Variants in JAZF1 observed in about 807,000 individuals in gnomAD.
JAZF1 encodes JAZF zinc finger 1.
A neutral mutation model predicts 26.4 loss-of-function variants in JAZF1; 8 were observed. The ratio of observed to expected loss-of-function variants is 0.30; its 90% CI spans 0.18 to 0.55. The LOEUF (loss-of-function observed/expected upper bound fraction) is 0.55, where lower values mean the gene tolerates loss of function less well. Among genes scored for constraint, JAZF1 ranks in the 20% least tolerant of loss-of-function variants. The probability of loss-of-function intolerance (pLI) is 0.94; values close to 1 mark genes in which losing one functional copy is unlikely to be tolerated. For missense variants in JAZF1, 199 were observed against 322.0 expected (o/e 0.62, Z 2.92); for synonymous variants, 126 against 122.3 (o/e 1.03, Z -0.20).
intron 1 of JAZF1, among the ~76,000 whole-genome samples, chr7:28,035,986 T>C (rs1289812175): frequency 6.6e-6 from 1 of 152,228 alleles, no homozygotes; most frequent in Non-Finnish European, 1.5e-5. Flanking sequence ...GACCTTATCT[T>C]TTTTTCTAAC....
intron 1 of JAZF1, among the ~76,000 whole-genome samples, chr7:28,053,783 A>AG (rs1425816588): frequency 6.6e-6 from 1 of 152,146 alleles, no homozygotes; most frequent in Non-Finnish European, 1.5e-5. Context: ...AAAGAACTGG[A>AG]GGGGGCTAAG....
intron 2 of JAZF1, among the ~76,000 whole-genome samples, chr7:27,953,637 T>C (rs6958293): frequency 0.96 from 145,595 of 152,330 alleles, 69,671 homozygotes; most frequent in East Asian, 1. Flanking sequence ...CGAGGTGGCA[T>C]GCACACACCT....
intron 1 of JAZF1, among the ~76,000 whole-genome samples, chr7:28,041,401 T>C (rs2128377416): frequency 6.6e-6 from 1 of 151,120 alleles, no homozygotes; most frequent in Non-Finnish European, 1.5e-5. Flanking sequence ...GTATAAGCTA[T>C]TTTTTAAAAG....
At position 28,180,673 on chromosome 7, in the gene JAZF1, G is replaced by A. The variant is rs576551959; in HGVS notation, c.-96C>T. 524 of 706,036 alleles carry A rather than the reference G, an allele frequency of 7.4e-4. 1 individual carries two copies. The highest frequency in any genetic ancestry group is 1.1e-3 in the Non-Finnish European group (471 of 419,686). 43.7% of individuals were successfully genotyped at this position (706,036 alleles called of 1,614,324 possible). A position where few individuals can be genotyped will look rare whatever the true frequency, so the allele number is the denominator to read the frequency against. On this transcript the variant is annotated 5_prime_UTR_variant, in exon 1 of 5. Transcript: ENST00000283928. ...GGGTGGGGTGAGGAGAGGAGGGGCT[G>A]GGGGAGGGGGAGAGAGGCGGGGTGA...
chr7:28,142,789 A>C (rs188361292), intron 1 of JAZF1, among the ~76,000 whole-genome samples: 3 of 152,298 alleles, frequency 2.0e-5, no homozygotes, highest in Admixed American at 6.5e-5. Context: ...CATGAGATGC[A>C]GGGTATGGCC....
chr7:27,862,936 C>T (rs1411834768), intron 3 of JAZF1, among the ~76,000 whole-genome samples: 1 of 152,156 alleles, frequency 6.6e-6, no homozygotes, highest in Non-Finnish European at 1.5e-5. Flanking sequence ...GGGGTCAGCT[C>T]CTTTCCTTTA....
At chr7:28,092,861 GA>G (rs35589311) in intron 1 of JAZF1, among the ~76,000 whole-genome samples, 5 of 137,176 alleles carry the variant, frequency 3.6e-5, no homozygotes, top group Admixed American at 7.3e-5. Context: ...GCCCTGTTTC[GA>G]AAAAAAAAAG....
chr7:28,113,159 G>A (rs1288682771), intron 1 of JAZF1, among the ~76,000 whole-genome samples: 1 of 152,130 alleles, frequency 6.6e-6, no homozygotes, highest in South Asian at 2.1e-4. Context: ...CTGTTGAATC[G>A]GTATCCTACA....
intron 2 of JAZF1, among the ~76,000 whole-genome samples, chr7:27,941,310 G>A (rs1300669778): frequency 2.6e-5 from 4 of 152,202 alleles, no homozygotes; most frequent in African/African-American, 9.7e-5. Context: ...ATTTGGGGAT[G>A]TGATCTTTTT....
chr7:27,880,510 G>A (rs1027271883), intron 3 of JAZF1, among the ~76,000 whole-genome samples: 11 of 152,016 alleles, frequency 7.2e-5, no homozygotes, highest in Admixed American at 6.6e-5. Context: ...GCGGGTGCCT[G>A]TAATCCCAGC....
chr7:28,178,552 AT>A (rs1280178180), intron 1 of JAZF1, among the ~76,000 whole-genome samples: 1 of 152,146 alleles, frequency 6.6e-6, no homozygotes, highest in African/African-American at 2.4e-5. Flanking sequence ...AGCATTATCT[AT>A]ATTTATTTTT....
intron 1 of JAZF1, among the ~76,000 whole-genome samples, chr7:28,040,282 C>A (rs1783366962): frequency 1.3e-5 from 2 of 152,020 alleles, no homozygotes; most frequent in African/African-American, 4.8e-5. Context: ...TGTTGAGTGC[C>A]AACTATGTGC....
chr7:27,996,533 G>A (rs375934688), intron 1 of JAZF1, among the ~76,000 whole-genome samples: 3 of 152,170 alleles, frequency 2.0e-5, no homozygotes, highest in Admixed American at 1.3e-4. Flanking sequence ...GGCTGGATAC[G>A]ACACTTTTCT....
chr7:28,157,368 T>C (rs752169400), intron 1 of JAZF1, among the ~76,000 whole-genome samples: 22 of 152,260 alleles, frequency 1.4e-4, no homozygotes, highest in Admixed American at 7.8e-4. Flanking sequence ...CTATCAGCTC[T>C]ATCACAATTA....
intron 4 of JAZF1, among the ~76,000 whole-genome samples, chr7:27,833,440 C>T (rs115206878): frequency 3.6e-4 from 55 of 152,300 alleles, no homozygotes; most frequent in African/African-American, 1.3e-3. Flanking sequence ...ACTCAATTTA[C>T]AGCTTGCTTC....
chr7:27,859,707 C>T (rs149504064), intron 3 of JAZF1, among the ~76,000 whole-genome samples: 3,639 of 146,392 alleles, frequency 0.025, 69 homozygotes, highest in East Asian at 0.09. Context: ...CATCACACAC[C>T]GGGGCCTGTT....
At chr7:27,896,424 G>A (rs181834051) in intron 2 of JAZF1, among the ~76,000 whole-genome samples, 4 of 152,140 alleles carry the variant, frequency 2.6e-5, no homozygotes, top group Admixed American at 1.3e-4. Flanking sequence ...GTATGATAGC[G>A]TTCAGATGAT....
chr7:27,907,984 A>C (rs181244827), intron 2 of JAZF1, among the ~76,000 whole-genome samples: 1 of 152,174 alleles, frequency 6.6e-6, no homozygotes, highest in African/African-American at 2.4e-5. Context: ...ATTTTCTTCT[A>C]TATCTACTGA....
intron 1 of JAZF1, among the ~76,000 whole-genome samples, chr7:28,066,535 A>G: frequency 6.8e-6 from 1 of 147,140 alleles, no homozygotes; most frequent in African/African-American, 2.5e-5. Flanking sequence ...TCCAGGAGGC[A>G]GAGGTTGCAG....
Sources: allele counts gnomAD v4.1 joint callset (sites outside exome capture counted in the v4.1 genomes callset), GRCh38; gene constraint gnomAD v4.1.1; transcripts MANE v1.5; gene names NCBI Gene and HGNC (gene_info 2026-07-23, HGNC 2026-07-21).